Variants in DPH6 observed in about 807,000 individuals in gnomAD.
The protein encoded by DPH6 is diphthamine biosynthesis 6, also known as diphthine--ammonia ligase.
In DPH6, 33 loss-of-function variants were observed where a neutral mutation model predicts 38.2. The observed-to-expected ratio is 0.86, with a 90% CI of 0.65 to 1.15. DPH6 has a LOEUF of 1.15. Ranked by LOEUF, DPH6 falls within the 50% of genes most tolerant of loss-of-function variation. The probability of loss-of-function intolerance (pLI) is 0.00; values close to 1 mark genes in which losing one functional copy is unlikely to be tolerated. For missense variants in DPH6, 325 were observed against 320.0 expected (o/e 1.02, Z -0.12); for synonymous variants, 108 against 103.0 (o/e 1.05, Z -0.30).
At chr15:35,342,105 G>C (rs1938172872) in intron 3 of DPH6, among the ~76,000 whole-genome samples, 2 of 152,202 alleles carry the variant, frequency 1.3e-5, no homozygotes, top group African/African-American at 4.8e-5. Context: ...AGGTGCTGTG[G>C]AAGTGGGGCC....
chr15:35,372,036 T>C lies in DPH6; in HGVS notation c.*114A>G. ...CTCTTCTAGTGAAAGTATGTTTCTC[T>C]AAAAAAATAAGAGTCATGAGAAAAA... On this transcript the variant is annotated 3_prime_UTR_variant, in exon 9 of 9. Coordinates refer to ENST00000256538, the MANE Select transcript of DPH6 (RefSeq NM_080650.4). 1 of 1,428,906 alleles carries C rather than the reference T, an allele frequency of 7.0e-7. No homozygotes were observed. 88.5% of individuals were successfully genotyped at this position (1,428,906 alleles called of 1,614,324 possible). A position where few individuals can be genotyped will look rare whatever the true frequency, so the allele number is the denominator to read the frequency against.
rs1011800318 is a variant in DPH6 at position 35,497,872 on chromosome 15, G to A, written c.312+40402C>T. On this transcript the variant is annotated intron_variant, in intron 3 of 8. Coordinates refer to ENST00000256538, the MANE Select transcript of DPH6 (RefSeq NM_080650.4). The stretch of plus-strand genomic sequence containing the variant: ...CATTATCCAATAGTGTAAAAATAAC[G>A]TAAGTACAAAAGTTTAGAAACACCA... 1.6e-4 allele frequency among the ~76,000 whole-genome samples: 25 copies of A among 152,122 alleles called. No individual in the cohort carries two copies. The East Asian group carries it at 3.3e-3, about 20-fold the overall frequency.
intron 5 of DPH6, among the ~76,000 whole-genome samples, chr15:35,449,821 G>C (rs1026997550): frequency 2.0e-5 from 3 of 152,096 alleles, no homozygotes; most frequent in African/African-American, 7.2e-5. Flanking sequence ...TTACCATGGA[G>C]AAATATTATG....
At chr15:35,170,002 T>C in the DPH6 span, among the ~76,000 whole-genome samples, 1 of 152,198 alleles carries the variant, frequency 6.6e-6, no homozygotes, top group Non-Finnish European at 1.5e-5. Context: ...AATGCACCTA[T>C]AGCAAGGTCT....
chr15:35,162,234 A>C, the DPH6 span, among the ~76,000 whole-genome samples: 1 of 151,892 alleles, frequency 6.6e-6, no homozygotes, highest in Non-Finnish European at 1.5e-5. Flanking sequence ...TCCACACAGC[A>C]GCCAAGATAT....
intron 3 of DPH6, among the ~76,000 whole-genome samples, chr15:35,307,427 G>C (rs1258667709): frequency 6.6e-6 from 1 of 152,028 alleles, no homozygotes; most frequent in Non-Finnish European, 1.5e-5. Flanking sequence ...AAATGCTCCA[G>C]ATTAAAGGTG....
Position 35,454,821 on chromosome 15 carries a change from C to T in DPH6, c.313-1G>A, listed in dbSNP as rs964404979. ...ATATCCCCTCTACTTCTTCTTTTTC[C>T]TGAAAATAAAGAAAAAAACCATAAC... On this transcript the variant is annotated splice_acceptor_variant, in intron 3 of 8. Transcript: ENST00000256538. LOFTEE classifies it high-confidence loss of function. 6.3e-7 allele frequency: 1 copy of T among 1,592,184 alleles called. No individual in the cohort carries two copies. The highest frequency in any genetic ancestry group is 1.2e-5 in the South Asian group (1 of 84,826).
intron 3 of DPH6, among the ~76,000 whole-genome samples, chr15:35,242,650 C>T (rs1595443257): frequency 7.0e-6 from 1 of 143,154 alleles, no homozygotes; most frequent in African/African-American, 2.5e-5. Flanking sequence ...CCTCACCAAG[C>T]TCAGCCACCA....
the DPH6 span, among the ~76,000 whole-genome samples, chr15:35,147,649 T>G: frequency 2.0e-5 from 3 of 152,172 alleles, no homozygotes; most frequent in African/African-American, 7.2e-5. Flanking sequence ...AAAAAAGTAA[T>G]CAGAAATACA....
At chr15:35,180,392 AACACACAC>A in the DPH6 span, among the ~76,000 whole-genome samples, 12,800 of 140,368 alleles carry the variant, frequency 0.091, 716 homozygotes, top group East Asian at 0.27. Flanking sequence ...TTGGTTTTAA[AACACACAC>A]ACACACACAC....
intron 3 of DPH6, among the ~76,000 whole-genome samples, chr15:35,490,986 T>A (rs1364964832): frequency 6.6e-6 from 1 of 152,094 alleles, no homozygotes; most frequent in Non-Finnish European, 1.5e-5. Flanking sequence ...AAATGGGGAC[T>A]AAACTTACCC....
chr15:35,234,570 T>C (rs1486087367), intron 3 of DPH6, among the ~76,000 whole-genome samples: 1 of 152,256 alleles, frequency 6.6e-6, no homozygotes, highest in Non-Finnish European at 1.5e-5. Flanking sequence ...CTTTTTCCTA[T>C]TTAATATTAA....
chr15:35,518,627 C>A (rs1030208597), intron 3 of DPH6, among the ~76,000 whole-genome samples: 3 of 151,810 alleles, frequency 2.0e-5, no homozygotes, highest in Non-Finnish European at 4.4e-5. Context: ...GGAGTTGAGA[C>A]TGAATGCACA....
At chr15:35,452,361 G>A (rs578171361) in intron 4 of DPH6, among the ~76,000 whole-genome samples, 2 of 152,260 alleles carry the variant, frequency 1.3e-5, no homozygotes, top group Admixed American at 1.3e-4. Context: ...TACACTAACT[G>A]GCTGAGATCA....
the DPH6 span, among the ~76,000 whole-genome samples, chr15:35,177,692 C>T: frequency 2.0e-5 from 3 of 151,400 alleles, no homozygotes; most frequent in South Asian, 4.2e-4. Flanking sequence ...TTAATCCCAG[C>T]ACTTTGGGAG....
chr15:35,250,295 AGAAGGCCATGACAATAAG>A (rs1285818192), intron 3 of DPH6, among the ~76,000 whole-genome samples: 2 of 152,176 alleles, frequency 1.3e-5, no homozygotes, highest in African/African-American at 4.8e-5. Context: ...GTCTTCAAAG[AGAAGGCCATGACAATAAG>A]GAGTCCCACA....
chr15:35,261,303 G>C (rs117157666), intron 3 of DPH6, among the ~76,000 whole-genome samples: 312 of 152,326 alleles, frequency 2.0e-3, no homozygotes, highest in Admixed American at 4.7e-3. Context: ...ACGTTCAGCT[G>C]ATCTGAAGTC....
rs2052091161 is a variant in DPH6 at position 35,306,392 on chromosome 15, T to C, written n.200+67129A>G. Among the ~76,000 whole-genome samples, 5 of 152,208 alleles carry C rather than the reference T, an allele frequency of 3.3e-5. 1 individual carries two copies. Among genetic ancestry groups the C allele is most frequent in the Admixed American group, 3.3e-4 (5 of 15,282 alleles). ...GCATCCTCACTATGCTTACTCTTAT[T>C]GGGAGCCTGCTCTACCCTCTCTGAG... On this transcript the variant is annotated intron_variant and non_coding_transcript_variant, in intron 3 of 3. Transcript: ENST00000560386.
At chr15:35,520,522 A>G in intron 3 of DPH6, 2 of 984,236 alleles carry the variant, frequency 2.0e-6, no homozygotes, top group Non-Finnish European at 2.4e-6. Flanking sequence ...AATTAAGTAC[A>G]GTGTCAAAGG....
Sources: allele counts gnomAD v4.1 joint callset (sites outside exome capture counted in the v4.1 genomes callset), GRCh38; gene constraint gnomAD v4.1.1; transcripts MANE v1.5; gene names NCBI Gene and HGNC (gene_info 2026-07-23, HGNC 2026-07-21).